The following MUSK variants were observed in gnomAD, a reference collection of about 807,000 sequenced individuals.
The protein encoded by MUSK is muscle associated receptor tyrosine kinase.
Under a neutral mutation model 88.7 loss-of-function variants are expected in MUSK, and 55 were observed. The observed-to-expected ratio is 0.62, with a 90% CI of 0.50 to 0.78. MUSK has a LOEUF of 0.78. Among genes scored for constraint, MUSK ranks in the 30% least tolerant of loss-of-function variants. The probability of loss-of-function intolerance (pLI) is 0.00; values close to 1 mark genes in which losing one functional copy is unlikely to be tolerated. For synonymous variants in MUSK, 387 were observed against 391.9 expected, an observed-to-expected ratio of 0.99 and a Z score of 0.15; for missense variants, 1,015 against 1,074.3, an observed-to-expected ratio of 0.94 and a Z score of 0.77.
At chr9:110,719,764 T>C (rs932582215) in intron 5 of MUSK, among the ~76,000 whole-genome samples, 1 of 152,038 alleles carries the variant, frequency 6.6e-6, no homozygotes, top group Non-Finnish European at 1.5e-5. Context: ...TACAGAACAT[T>C]CTACCCAACA....
At chr9:110,709,461 G>C (rs1338788204) in intron 5 of MUSK, among the ~76,000 whole-genome samples, 1 of 152,116 alleles carries the variant, frequency 6.6e-6, no homozygotes, top group Non-Finnish European at 1.5e-5. Flanking sequence ...TTGTGCTTCA[G>C]TTTCCCTACT....
At chr9:110,775,537 G>A (rs763802413) in intron 9 of MUSK, 2 of 480,212 alleles carry the variant, frequency 4.2e-6, no homozygotes, top group East Asian at 4.0e-5. Flanking sequence ...TAAATTTGAC[G>A]TTTTTTTCCC....
intron 5 of MUSK, among the ~76,000 whole-genome samples, chr9:110,698,471 T>C (rs910758480): frequency 3.9e-5 from 6 of 152,224 alleles, no homozygotes; most frequent in Admixed American, 3.9e-4. Context: ...TTTACTTTGA[T>C]TCTGTCCTAC....
chr9:110,785,644 G>A lies in MUSK; in HGVS notation c.1704G>A (p.Leu568=). ...TTCTGAACCCCAAATTGCTCAGCCT[G>A]GAGTATCCAAGGAATAACATTGAAT... The part of the protein sequence containing the change: ...PLLLNPKLLS[L]EYPRNNIEYV... Residue 568 remains leucine (L), a synonymous_variant, in exon 13 of 15, where the codon CTG becomes CTA. Transcript: ENST00000374448. The A allele has an allele frequency of 1.2e-6, 2 of 1,613,228 alleles. No homozygotes were observed. Among genetic ancestry groups the A allele is most frequent in the African/African-American group, 1.3e-5 (1 of 74,938 alleles).
chr9:110,780,990 CCCTCCATTTGCTG>C (rs58092557), intron 11 of MUSK, among the ~76,000 whole-genome samples: 58,293 of 151,882 alleles, frequency 0.38, 12,052 homozygotes, highest in Middle Eastern at 0.48. Flanking sequence ...TCCTATAAGA[CCCTCCATTTGCTG>C]CAGGGCATAG....
At chr9:110,789,495 T>C (rs981199458) in intron 14 of MUSK, among the ~76,000 whole-genome samples, 3 of 152,176 alleles carry the variant, frequency 2.0e-5, no homozygotes, top group Non-Finnish European at 4.4e-5. Context: ...GATGTGGTTT[T>C]TGTCCAGGCA....
intron 6 of MUSK, among the ~76,000 whole-genome samples, chr9:110,736,254 T>C (rs1470869945): frequency 6.6e-6 from 1 of 152,100 alleles, no homozygotes. Context: ...ATGTACCCCA[T>C]AAATATGTAC....
In MUSK at chr9:110,668,950, G is replaced by T; in HGVS notation, c.46G>T (p.Val16Phe). Reference protein sequence around the residue: ...NIPLVHILTLVAFSGTEKLPK... With the variant: ...NIPLVHILTLFAFSGTEKLPK... ...TCCACTGGTACATATTCTTACTCTG[G>T]TTGCCTTCAGCGGAACTGAGAAACT... The change falls in exon 1 of 15, where the codon GTT becomes TTT. Residue 16 changes from valine (V) to phenylalanine (F), a missense_variant. Coordinates refer to ENST00000374448, the MANE Select transcript of MUSK (RefSeq NM_005592.4). 3 of 1,613,746 alleles carry T rather than the reference G, an allele frequency of 1.9e-6. No homozygotes were observed. The highest frequency in any genetic ancestry group is 2.5e-6 in the Non-Finnish European group (3 of 1,179,728).
At chr9:110,784,088 C>T (rs1354227476) in intron 11 of MUSK, among the ~76,000 whole-genome samples, 2 of 152,030 alleles carry the variant, frequency 1.3e-5, no homozygotes, top group African/African-American at 4.8e-5. Context: ...TTTTTGGGTA[C>T]AAAGGTCATT....
chr9:110,778,680 G>C (rs2077706208), intron 11 of MUSK, among the ~76,000 whole-genome samples: 1 of 151,956 alleles, frequency 6.6e-6, no homozygotes, highest in Admixed American at 6.6e-5. Flanking sequence ...AAGGTGATAA[G>C]CCAGAATTTG....
intron 9 of MUSK, among the ~76,000 whole-genome samples, chr9:110,771,058 A>G (rs2077565523): frequency 6.6e-6 from 1 of 151,768 alleles, no homozygotes; most frequent in African/African-American, 2.4e-5. Flanking sequence ...TTTTAACCAT[A>G]TAGTTCAGAG....
At chr9:110,748,162 A>C (rs1298680256) in intron 7 of MUSK, among the ~76,000 whole-genome samples, 193 of 89,920 alleles carry the variant, frequency 2.1e-3, no homozygotes, top group Middle Eastern at 0.019. Flanking sequence ...TCCTTCCCTT[A>C]TTCCCTCCTT....
In MUSK at chr9:110,668,978, C is replaced by G. The variant is rs1332419631; in HGVS notation, c.74C>G (p.Pro25Arg). The G allele has an allele frequency of 6.2e-7, 1 of 1,613,026 alleles. No individual in the cohort carries two copies. Among genetic ancestry groups the G allele is most frequent in the Middle Eastern group, 1.6e-4 (1 of 6,082 alleles). ...GCCTTCAGCGGAACTGAGAAACTTCCAAAAGGTTGGTTTGAGCAATCGTGT... is the reference window on the plus strand; with the variant it reads ...GCCTTCAGCGGAACTGAGAAACTTCGAAAAGGTTGGTTTGAGCAATCGTGT... ...LVAFSGTEKLPKAPVITTPLE... is the reference protein window; with the variant it reads ...LVAFSGTEKLRKAPVITTPLE... Residue 25 changes from proline (P) to arginine (R), a missense_variant, in exon 1 of 15, where the codon CCA (proline) becomes CGA (arginine). Physicochemically the swap from Pro to Arg is moderately radical, Grantham distance 103. Transcript: ENST00000374448.
In MUSK at chr9:110,747,530, G is replaced by A. The variant is rs1052202391; in HGVS notation, c.754-111G>A. The A allele has an allele frequency of 8.0e-6, 9 of 1,124,926 alleles. No individual in the cohort carries two copies. In the South Asian group the frequency reaches 1.1e-4, roughly 14 times the overall value. The allele number at this position is 1,124,926 out of a possible 1,614,324, so 69.7% of individuals were successfully genotyped here. A position where few individuals can be genotyped will look rare whatever the true frequency, so the allele number is the denominator to read the frequency against. Reference sequence around the variant, plus strand: ...GGAAAATCTTTTGGCTATGTTTGCAGTGTACCACATGCACTTGATTATAAT... The same window carrying A: ...GGAAAATCTTTTGGCTATGTTTGCAATGTACCACATGCACTTGATTATAAT... On this transcript the variant is annotated intron_variant, in intron 6 of 14. Transcript: ENST00000374448.
chr9:110,754,456 G>A (rs2131897544), intron 7 of MUSK, among the ~76,000 whole-genome samples: 1 of 152,188 alleles, frequency 6.6e-6, no homozygotes, highest in African/African-American at 2.4e-5. Flanking sequence ...CAAGGTTCTT[G>A]GACCCCTTCC....
chr9:110,702,349 G>A lies in MUSK; in HGVS notation c.628+4883G>A, dbSNP rs572639528. 1.3e-4 allele frequency among the ~76,000 whole-genome samples: 20 copies of A among 152,240 alleles called. 1 individual carries two copies. The South Asian group carries it at 3.3e-3, about 25-fold the overall frequency. Reference sequence around the variant, plus strand: ...GACCCTTAAAGGGGCAGGAGACAGGGTCTTGGCCCATGTGAAATGGAGGTT... The same window carrying A: ...GACCCTTAAAGGGGCAGGAGACAGGATCTTGGCCCATGTGAAATGGAGGTT... On this transcript the variant is annotated intron_variant, in intron 5 of 14. Coordinates refer to ENST00000374448, the MANE Select transcript of MUSK (RefSeq NM_005592.4).
intron 14 of MUSK, among the ~76,000 whole-genome samples, chr9:110,797,358 G>T (rs1323970929): frequency 6.6e-6 from 1 of 151,950 alleles, no homozygotes; most frequent in Non-Finnish European, 1.5e-5. Context: ...GTGAACTAGG[G>T]TGAAAAAGGG....
intron 3 of MUSK, among the ~76,000 whole-genome samples, chr9:110,688,654 C>A (rs191531135): frequency 9.2e-5 from 14 of 151,686 alleles, no homozygotes; most frequent in African/African-American, 3.1e-4. Context: ...TGTGCTGTTT[C>A]CCCCCATGTG....
chr9:110,677,628 C>T lies in MUSK; in HGVS notation c.80-5046C>T, dbSNP rs1270565907. On this transcript the variant is annotated intron_variant, in intron 1 of 14. Transcript: ENST00000374448. ...TCCGTCTTCAGGCTTTCACGGGTAC[C>T]GTTTCCTCTGCCTGGAACACTCTTC... 4.6e-5 allele frequency among the ~76,000 whole-genome samples: 7 copies of T among 152,176 alleles called. No homozygotes were observed. The East Asian group carries it at 1.3e-3, about 29-fold the overall frequency.
Sources: gnomAD v4.1 joint callset for allele counts (sites outside exome capture counted in the v4.1 genomes callset) on GRCh38, gnomAD v4.1.1 for gene constraint, MANE v1.5 for transcripts, NCBI Gene and HGNC (gene_info 2026-07-23, HGNC 2026-07-21) for gene names.